Variants in PIK3C2G observed in about 807,000 individuals in gnomAD.
PIK3C2G encodes phosphatidylinositol 3-kinase C2 domain-containing subunit gamma.
Under a neutral mutation model 181.1 loss-of-function variants are expected in PIK3C2G, and 168 were observed. The observed-to-expected ratio is 0.93, with a 90% CI of 0.82 to 1.05. The LOEUF is 1.05. Among genes scored for constraint, PIK3C2G ranks in the 50% least tolerant of loss-of-function variants. The probability of loss-of-function intolerance (pLI) is 0.00; values close to 1 mark genes in which losing one functional copy is unlikely to be tolerated. For synonymous variants in PIK3C2G, 573 were observed against 592.2 expected (o/e 0.97, Z 0.47); for missense variants, 1,869 against 1,732.8 (o/e 1.08, Z -1.40).
chr12:18,580,296 AG>A (rs1946433325), intron 29 of PIK3C2G, among the ~76,000 whole-genome samples: 1 of 152,230 alleles, frequency 6.6e-6, no homozygotes, highest in Non-Finnish European at 1.5e-5. Context: ...TGTGAGCTTT[AG>A]CTCTTCTCAG....
At chr12:18,398,762 G>A (rs1944044437) in intron 15 of PIK3C2G, among the ~76,000 whole-genome samples, 1 of 152,122 alleles carries the variant, frequency 6.6e-6, no homozygotes, top group South Asian at 2.1e-4. Flanking sequence ...ACATTTTCAC[G>A]CCAAACTTCC....
chr12:18,391,051 A>G, intron 14 of PIK3C2G, 71 bp from the exon 15 acceptor site: 2 of 1,057,778 alleles, frequency 1.9e-6, no homozygotes, highest in East Asian at 2.8e-5. Flanking sequence ...TAAATCTAAG[A>G]TAGGAATATT....
At chr12:18,298,474 T>C (rs894233093) in intron 5 of PIK3C2G, among the ~76,000 whole-genome samples, 1 of 151,476 alleles carries the variant, frequency 6.6e-6, no homozygotes, top group Non-Finnish European at 1.5e-5. Flanking sequence ...GATTAACAGT[T>C]TGCAAATACT....
chr12:18,268,613 G>A lies in PIK3C2G; in HGVS notation c.-79+7036G>A, dbSNP rs1340806425. Among the ~76,000 whole-genome samples the A allele has an allele frequency of 2.0e-5, 3 of 152,086 alleles. No homozygotes were observed. The East Asian group carries it at 5.8e-4, about 30-fold the overall frequency. Reference sequence around the variant, plus strand: ...GATTTTTAGATGAATTCCCACTGTTGTGCCTCCTATGCAGTGAATCATATG... The same window carrying A: ...GATTTTTAGATGAATTCCCACTGTTATGCCTCCTATGCAGTGAATCATATG... On this transcript the variant is annotated intron_variant, in intron 1 of 32. Transcript: ENST00000538779.
intron 11 of PIK3C2G, among the ~76,000 whole-genome samples, chr12:18,348,151 T>C (rs1939859314): frequency 6.6e-6 from 1 of 151,992 alleles, no homozygotes; most frequent in South Asian, 2.1e-4. Flanking sequence ...TAAAGCTATA[T>C]GTATAGGGCA....
intron 28 of PIK3C2G, among the ~76,000 whole-genome samples, chr12:18,566,089 A>G (rs1038370621): frequency 2.6e-5 from 4 of 152,194 alleles, no homozygotes; most frequent in Non-Finnish European, 5.9e-5. Flanking sequence ...TAAAATGTTC[A>G]TTGTTAAAAT....
chr12:18,428,647 T>G (rs1218272581), intron 18 of PIK3C2G, among the ~76,000 whole-genome samples: 1 of 152,210 alleles, frequency 6.6e-6, no homozygotes, highest in Non-Finnish European at 1.5e-5. Context: ...CCATCTTGAC[T>G]ACTTGGCATC....
Position 18,319,029 on chromosome 12 carries a change from G to A in PIK3C2G, c.1138-1933G>A, listed in dbSNP as rs562998713. 1.1e-3 allele frequency among the ~76,000 whole-genome samples: 164 copies of A among 149,388 alleles called. 3 individuals are homozygous for A. The highest frequency in any genetic ancestry group is 7.9e-3 in the Admixed American group (118 of 15,028). On this transcript the variant is annotated intron_variant, in intron 6 of 32. Transcript: ENST00000538779. ...GAACCCGGGAGGTGGAGGTTGTAGT[G>A]AGCCGAGATCACACCATGGCACTCC...
the PIK3C2G span, among the ~76,000 whole-genome samples, chr12:18,721,290 A>G: frequency 7.3e-5 from 11 of 151,492 alleles, no homozygotes; most frequent in Admixed American, 5.9e-4. Context: ...TCACATACCA[A>G]TGAGGGATGA....
intron 1 of PIK3C2G, among the ~76,000 whole-genome samples, chr12:18,252,159 C>A (rs1298400171): frequency 1.3e-5 from 2 of 152,120 alleles, no homozygotes; most frequent in Non-Finnish European, 2.9e-5. Flanking sequence ...TATTACAATT[C>A]TCTGAGTATA....
At chr12:18,403,522 C>G (rs1944365625) in intron 16 of PIK3C2G, among the ~76,000 whole-genome samples, 1 of 152,110 alleles carries the variant, frequency 6.6e-6, no homozygotes, top group African/African-American at 2.4e-5. Flanking sequence ...AGAGTGAGTA[C>G]TTGAGAGATC....
chr12:18,613,378 A>G (rs574968843), intron 31 of PIK3C2G, among the ~76,000 whole-genome samples: 59 of 152,260 alleles, frequency 3.9e-4, no homozygotes, highest in African/African-American at 1.3e-3. Context: ...GGTACCTTCA[A>G]TCCTTTCATA....
chr12:18,523,540 G>T (rs1368969098), intron 24 of PIK3C2G, among the ~76,000 whole-genome samples: 6 of 152,210 alleles, frequency 3.9e-5, no homozygotes, highest in Admixed American at 2.6e-4. Context: ...CTAGCATGGG[G>T]AAGACAACAA....
the PIK3C2G span, among the ~76,000 whole-genome samples, chr12:18,698,401 GT>G: frequency 6.6e-6 from 1 of 151,704 alleles, no homozygotes; most frequent in East Asian, 1.9e-4. Context: ...CAACACACAG[GT>G]TAAAAAAGGA....
In PIK3C2G at chr12:18,385,859, A is replaced by G. The variant is rs114437035; in HGVS notation, c.1995+3979A>G. Among the ~76,000 whole-genome samples the G allele has an allele frequency of 7.7e-3, 1,162 of 150,690 alleles. 14 individuals are homozygous for G. The highest frequency in any genetic ancestry group is 0.027 in the African/African-American group (1,105 of 40,972). On this transcript the variant is annotated intron_variant, in intron 14 of 32. Transcript: ENST00000538779. ...GGGATCTATGTTTCTCTACTTCCTC[A>G]CCTCCCCGTTTGTATCTACAATCAC...
chr12:18,347,051 A>G (rs1485277341), intron 11 of PIK3C2G, among the ~76,000 whole-genome samples: 1 of 152,200 alleles, frequency 6.6e-6, no homozygotes, highest in Admixed American at 6.5e-5. Flanking sequence ...CCATATTTAA[A>G]TAATTGTCAT....
intron 18 of PIK3C2G, among the ~76,000 whole-genome samples, chr12:18,467,581 A>G (rs1938028676): frequency 6.6e-6 from 1 of 151,876 alleles, no homozygotes. Flanking sequence ...AAGGATCTTG[A>G]TTAACATTTC....
At chr12:18,555,800 T>C (rs1236138935) in intron 26 of PIK3C2G, among the ~76,000 whole-genome samples, 1 of 152,140 alleles carries the variant, frequency 6.6e-6, no homozygotes, top group Admixed American at 6.6e-5. Flanking sequence ...TGAATTATTG[T>C]TTGCTTTTTA....
intron 11 of PIK3C2G, among the ~76,000 whole-genome samples, chr12:18,349,083 TGA>T (rs899845127): frequency 6.6e-6 from 1 of 152,128 alleles, no homozygotes; most frequent in Admixed American, 6.6e-5. Flanking sequence ...ATCCAAGGAA[TGA>T]GAGAGAGTCC....
Sources: allele counts gnomAD v4.1 joint callset (sites outside exome capture counted in the v4.1 genomes callset), GRCh38; gene constraint gnomAD v4.1.1; transcripts MANE v1.5; gene names NCBI Gene and HGNC (gene_info 2026-07-23, HGNC 2026-07-21).